Variants in SHROOM1 observed in about 807,000 individuals in gnomAD.
SHROOM1 encodes the protein protein Shroom1.
In SHROOM1, 53 loss-of-function variants were observed where a neutral mutation model predicts 64.2. That is an observed-to-expected ratio of 0.83 (90% CI 0.66 to 1.04). The LOEUF is 1.04. Ranked by LOEUF, SHROOM1 falls within the 50% of genes least tolerant of loss-of-function variation. SHROOM1 has a pLI of 0.00. For missense variants in SHROOM1, 1,179 were observed against 1,163.2 expected, an observed-to-expected ratio of 1.01 and a Z score of -0.20; for synonymous variants, 490 against 518.9, an observed-to-expected ratio of 0.94 and a Z score of 0.76.
chr5:132,823,166 G>T lies in SHROOM1; in HGVS notation c.2227-38C>A. On this transcript the variant is annotated intron_variant, in intron 9 of 9. Coordinates refer to ENST00000378679, the MANE Select transcript of SHROOM1 (RefSeq NM_001172700.2). This position sits in a 1 kb window ranked among gnomAD's most constrained non-coding sequence, Gnocchi z 4.6. ...GAAGAGGCGCCGTGAGCCGGGTGAGGGCGCCGCCGCTCCCGGAATGGTTCC... is the reference window on the plus strand; with the variant it reads ...GAAGAGGCGCCGTGAGCCGGGTGAGTGCGCCGCCGCTCCCGGAATGGTTCC... 1 of 1,543,762 alleles carries T rather than the reference G, an allele frequency of 6.5e-7. No homozygotes were observed. The highest frequency in any genetic ancestry group is 8.7e-7 in the Non-Finnish European group (1 of 1,154,228).
In SHROOM1 at chr5:132,823,227, C is replaced by G. The variant is rs762779906; in HGVS notation, c.2226+23G>C. 6.3e-7 allele frequency: 1 copy of G among 1,580,020 alleles called. No individual in the cohort carries two copies. Among genetic ancestry groups the G allele is most frequent in the Non-Finnish European group, 8.5e-7 (1 of 1,169,860 alleles). ...AGCAGGCCCCTCACCGCCCTACTCG[C>G]TTGCAACCTGAACCCCTTTTACCTG... is the stretch of plus-strand genomic sequence containing the variant. On this transcript the variant is annotated intron_variant, in intron 9 of 9. Coordinates refer to ENST00000378679, the MANE Select transcript of SHROOM1 (RefSeq NM_001172700.2). This position sits in a 1 kb window ranked among gnomAD's most constrained non-coding sequence, Gnocchi z 4.6.
At position 132,830,552 on chromosome 5, in the gene SHROOM1, A is replaced by T. The variant is rs1178010747; in HGVS notation, c.-501+42T>A. On this transcript the variant is annotated intron_variant, in intron 1 of 9. Coordinates refer to ENST00000378679, the MANE Select transcript of SHROOM1 (RefSeq NM_001172700.2). The surrounding 1 kb of genome is among the most constrained non-coding windows in gnomAD (Gnocchi z 5.9). Reference sequence around the variant, plus strand: ...CCCGCCGGCCTCCCGGGGGAAGCGGACCCAGCCGCCCGCTTCCCGCTCCCC... The same window carrying T: ...CCCGCCGGCCTCCCGGGGGAAGCGGTCCCAGCCGCCCGCTTCCCGCTCCCC... 1.0e-6 allele frequency: 1 copy of T among 981,856 alleles called. No homozygotes were observed. The highest frequency in any genetic ancestry group is 1.2e-6 in the Non-Finnish European group (1 of 826,918). 60.8% of individuals were successfully genotyped at this position (981,856 alleles called of 1,614,324 possible). A position where few individuals can be genotyped will look rare whatever the true frequency, so the allele number is the denominator to read the frequency against.
intron 1 of SHROOM1, chr5:132,829,910 G>A (rs1758799006): frequency 1.0e-6 from 1 of 985,316 alleles, no homozygotes; most frequent in Admixed American, 6.1e-5. Flanking sequence ...CGGGCTCATC[G>A]GTCGCTGCAC....
Position 132,830,033 on chromosome 5 carries a change from G to A in SHROOM1, c.-501+561C>T, listed in dbSNP as rs1758801551. 15 of 985,374 alleles carry A rather than the reference G, an allele frequency of 1.5e-5. No homozygotes were observed. The highest frequency in any genetic ancestry group is 1.7e-5 in the African/African-American group (1 of 57,338). 61.0% of individuals were successfully genotyped at this position (985,374 alleles called of 1,614,324 possible). A position where few individuals can be genotyped will look rare whatever the true frequency, so the allele number is the denominator to read the frequency against. ...GGGCGTGGACAGACCCGGTTACCTG[G>A]GGTTCAATCTCTGGGAGCCGAGGCA... On this transcript the variant is annotated intron_variant, in intron 1 of 9. Coordinates refer to ENST00000378679, the MANE Select transcript of SHROOM1 (RefSeq NM_001172700.2). This position sits in a 1 kb window ranked among gnomAD's most constrained non-coding sequence, Gnocchi z 5.9.
Position 132,830,633 on chromosome 5 carries a change from C to T in SHROOM1, c.-540G>A. The T allele has an allele frequency of 2.0e-6, 2 of 985,330 alleles. No homozygotes were observed. Among genetic ancestry groups the T allele is most frequent in the Non-Finnish European group, 2.4e-6 (2 of 829,860 alleles). The allele number at this position is 985,330 out of a possible 1,614,324, so 61.0% of individuals were successfully genotyped here. A position where few individuals can be genotyped will look rare whatever the true frequency, so the allele number is the denominator to read the frequency against. On this transcript the variant is annotated 5_prime_UTR_variant, in exon 1 of 10. Transcript: ENST00000378679. This position sits in a 1 kb window ranked among gnomAD's most constrained non-coding sequence, Gnocchi z 5.9. ...GAGACGCGCTCCTGGGCCGTCGCAG[C>T]CGCGCGGTGACATCAGAGCCCCGGG...
At position 132,825,529 on chromosome 5, in the gene SHROOM1, G is replaced by C. The variant is rs756147389; in HGVS notation, c.612C>G (p.Pro204=). Residue 204 remains proline, a synonymous_variant, in exon 4 of 10, where the codon CCC becomes CCG. Transcript: ENST00000378679. This position sits in a 1 kb window ranked among gnomAD's most constrained non-coding sequence, Gnocchi z 5.1. ...GACCCCGGCCGGCAGTTCCTGGCGC[G>C]GGAGCCCGGGAGCGCGCCGGCTCCC... ...GEGEPARSRA[P]APGTAGRGPL... 4 of 1,447,918 alleles carry C rather than the reference G, an allele frequency of 2.8e-6. No homozygotes were observed. The highest frequency in any genetic ancestry group is 2.7e-5 in the Admixed American group (1 of 36,900). The allele number at this position is 1,447,918 out of a possible 1,614,324, so 89.7% of individuals were successfully genotyped here.
In SHROOM1 at chr5:132,823,647, T is replaced by C. The variant is rs774061796; in HGVS notation, c.1929A>G (p.Pro643=). ...DQPCGQGLPA[P]NNSIQGKKVE... ...CTTTCTTGCCCTGGATGCTGTTGTTTGGTGCAGGGAGCCCCTGCCCACATG... is the reference window on the plus strand; with the variant it reads ...CTTTCTTGCCCTGGATGCTGTTGTTCGGTGCAGGGAGCCCCTGCCCACATG... The change falls in exon 8 of 10, where the codon CCA becomes CCG. Residue 643 remains proline (P), a synonymous_variant. Transcript: ENST00000378679. The surrounding 1 kb of genome is among the most constrained non-coding windows in gnomAD (Gnocchi z 4.6). The C allele has an allele frequency of 6.2e-7, 1 of 1,602,378 alleles. No individual in the cohort carries two copies. Among genetic ancestry groups the C allele is most frequent in the Non-Finnish European group, 8.5e-7 (1 of 1,174,000 alleles).
rs200219953 is a variant in SHROOM1 at position 132,823,896 on chromosome 5, C to G, written c.1765G>C (p.Ala589Pro). The G allele has an allele frequency of 4.3e-5, 67 of 1,540,398 alleles. No individual in the cohort carries two copies. The highest frequency in any genetic ancestry group is 5.7e-5 in the Non-Finnish European group (65 of 1,144,600). ...GCCTCCTCTCCAGCCTCCCCACAGGCAGGCCGCATTGCAGCCCGGACCTCT... is the reference window on the plus strand; with the variant it reads ...GCCTCCTCTCCAGCCTCCCCACAGGGAGGCCGCATTGCAGCCCGGACCTCT... ...LAEVRAAMRP[A>P]CGEAGEEAAS... is the part of the protein sequence containing the mutation. Residue 589 changes from alanine to proline, a missense_variant, in exon 7 of 10, where the codon GCC becomes CCC. Coordinates refer to ENST00000378679, the MANE Select transcript of SHROOM1 (RefSeq NM_001172700.2). The surrounding 1 kb of genome is among the most constrained non-coding windows in gnomAD (Gnocchi z 4.6).
rs1758802551 is a variant in SHROOM1, at chr5:132,830,082, C to A, written c.-501+512G>T. The A allele has an allele frequency of 2.7e-5, 27 of 985,362 alleles. 1 individual carries two copies. The Middle Eastern group carries it at 2.6e-3, about 95-fold the overall frequency. 61.0% of individuals were successfully genotyped at this position (985,362 alleles called of 1,614,324 possible). On this transcript the variant is annotated intron_variant, in intron 1 of 9. Coordinates refer to ENST00000378679, the MANE Select transcript of SHROOM1 (RefSeq NM_001172700.2). This position sits in a 1 kb window ranked among gnomAD's most constrained non-coding sequence, Gnocchi z 5.9. ...CACGGGAGGGAGAGAGGCGCAGGCC[C>A]CGGCGGCCGCAGGGGGCGGCAGAGA...
rs776321845 is a variant in SHROOM1, at chr5:132,825,556, C to G, written c.585G>C (p.Glu195Asp). Reference protein sequence around the residue: ...RSASLSHPGGEGEPARSRAPA... With the variant: ...RSASLSHPGGDGEPARSRAPA... ...GAGCCCGGGAGCGCGCCGGCTCCCC[C>G]TCCCCGCCCGGGTGGCTGAGCGAGG... is the stretch of plus-strand genomic sequence containing the variant. Residue 195 changes from glutamate to aspartate, a missense_variant, in exon 4 of 10, where the codon GAG becomes GAC. Coordinates refer to ENST00000378679, the MANE Select transcript of SHROOM1 (RefSeq NM_001172700.2). The surrounding 1 kb of genome is among the most constrained non-coding windows in gnomAD (Gnocchi z 5.1). 15 of 1,418,774 alleles carry G rather than the reference C, an allele frequency of 1.1e-5. No homozygotes were observed. Among genetic ancestry groups the G allele is most frequent in the African/African-American group, 6.0e-5 (4 of 66,580 alleles). 87.9% of individuals were successfully genotyped at this position (1,418,774 alleles called of 1,614,324 possible).
At position 132,825,580 on chromosome 5, in the gene SHROOM1, G is replaced by C. The variant is rs1416469352; in HGVS notation, c.561C>G (p.Ala187=). 2.1e-6 allele frequency: 3 copies of C among 1,400,788 alleles called. No homozygotes were observed. Among genetic ancestry groups the C allele is most frequent in the Non-Finnish European group, 2.8e-6 (3 of 1,085,890 alleles). The allele number at this position is 1,400,788 out of a possible 1,614,324, so 86.8% of individuals were successfully genotyped here. Residue 187 remains alanine (A), a synonymous_variant, in exon 4 of 10, where the codon GCC becomes GCG. Coordinates refer to ENST00000378679, the MANE Select transcript of SHROOM1 (RefSeq NM_001172700.2). The surrounding 1 kb of genome is among the most constrained non-coding windows in gnomAD (Gnocchi z 5.1). ...ARPPATHPRS[A]SLSHPGGEGE... is the part of the protein sequence containing the mutation. ...CCTCCCCGCCCGGGTGGCTGAGCGA[G>C]GCGGAGCGCGGGTGAGTCGCCGGGG...
chr5:132,828,964 A>G (rs1188675630), intron 1 of SHROOM1, among the ~76,000 whole-genome samples: 1 of 152,224 alleles, frequency 6.6e-6, no homozygotes, highest in African/African-American at 2.4e-5. Context: ...CTTGCAGTCC[A>G]GCCAGCCCCT....
chr5:132,823,438 C>G lies in SHROOM1; in HGVS notation c.2038G>C (p.Ala680Pro). 1 of 1,611,980 alleles carries G rather than the reference C, an allele frequency of 6.2e-7. No individual in the cohort carries two copies. Among genetic ancestry groups the G allele is most frequent in the Non-Finnish European group, 8.5e-7 (1 of 1,179,844 alleles). ...GCCTCCAGAGCCGCTTGGCGCCTGG[C>G]CCACGCTTGTGCCTCCCCCTGCAGC... The part of the protein sequence containing the change: ...ERLQGEAQAW[A>P]RRQAALEAAV... The change falls in exon 9 of 10, where the codon GCC becomes CCC. Residue 680 changes from alanine to proline, a missense_variant. Ala to Pro is a conservative substitution (Grantham distance 27, BLOSUM62 -1). Coordinates refer to ENST00000378679, the MANE Select transcript of SHROOM1 (RefSeq NM_001172700.2). The surrounding 1 kb of genome is among the most constrained non-coding windows in gnomAD (Gnocchi z 4.6).
At position 132,825,177 on chromosome 5, in the gene SHROOM1, T is replaced by C; in HGVS notation, c.964A>G (p.Ile322Val). 1 of 1,614,146 alleles carries C rather than the reference T, an allele frequency of 6.2e-7. No homozygotes were observed. Among genetic ancestry groups the C allele is most frequent in the Non-Finnish European group, 8.5e-7 (1 of 1,180,026 alleles). The change falls in exon 4 of 10, where the codon ATA (isoleucine) becomes GTA (valine). Residue 322 changes from isoleucine (I) to valine (V), a missense_variant. By Grantham distance (29) the Ile-to-Val change is conservative. Coordinates refer to ENST00000378679, the MANE Select transcript of SHROOM1 (RefSeq NM_001172700.2). This position sits in a 1 kb window ranked among gnomAD's most constrained non-coding sequence, Gnocchi z 5.1. ...LGSWGGSGGT[I>V]PIVQAVPQGA... ...GACTTCCATACCTGGACAATGGGTA[T>C]GGTCCCTCCTGATCCTCCCCAGGAA...
chr5:132,825,260 A>G lies in SHROOM1; in HGVS notation c.881T>C (p.Leu294Pro). ...ACTGGCGGGCCTGAAGGCATCACCG[A>G]GCTTCAAGGACCCGGAGTCCAGGTT... The part of the protein sequence containing the change: ...SMNLDSGSLK[L>P]GDAFRPASRS... Residue 294 changes from leucine to proline, a missense_variant, in exon 4 of 10, where the codon CTC (leucine) becomes CCC (proline). By Grantham distance (98) the Leu-to-Pro change is moderately conservative. Coordinates refer to ENST00000378679, the MANE Select transcript of SHROOM1 (RefSeq NM_001172700.2). This position sits in a 1 kb window ranked among gnomAD's most constrained non-coding sequence, Gnocchi z 5.1. 6.2e-7 allele frequency: 1 copy of G among 1,613,588 alleles called. No individual in the cohort carries two copies. Among genetic ancestry groups the G allele is most frequent in the Non-Finnish European group, 8.5e-7 (1 of 1,179,924 alleles).
At chr5:132,829,507 C>A in intron 1 of SHROOM1, 1 of 896,230 alleles carries the variant, frequency 1.1e-6, no homozygotes, top group Non-Finnish European at 1.3e-6. Flanking sequence ...AAAATCACAC[C>A]AAGGCAATGG....
chr5:132,824,988 A>G (rs376395985), intron 5 of SHROOM1, 30 bp downstream of exon 5: 29 of 1,612,430 alleles, frequency 1.8e-5, no homozygotes, highest in African/African-American at 1.7e-4. Flanking sequence ...CTTCCCCCCA[A>G]CTTGGTCCAG....
Position 132,823,339 on chromosome 5 carries a change from G to C in SHROOM1, c.2137C>G (p.Leu713Val). 6.2e-7 allele frequency: 1 copy of C among 1,606,098 alleles called. No homozygotes were observed. Among genetic ancestry groups the C allele is most frequent in the African/African-American group, 1.3e-5 (1 of 75,068 alleles). ...CTGCCCAGCAGCAGCAGAAGGCCAA[G>C]CACGCGCTCTAGGTCGGCCATGAAC... is the stretch of plus-strand genomic sequence containing the variant. ...SRFMADLERV[L>V]GLLLLLGSRL... The change falls in exon 9 of 10, where the codon CTT becomes GTT. Residue 713 changes from leucine to valine, a missense_variant. Physicochemically the swap from Leu to Val is conservative, Grantham distance 32 (BLOSUM62 1). Transcript: ENST00000378679. The surrounding 1 kb of genome is among the most constrained non-coding windows in gnomAD (Gnocchi z 4.6).
intron 1 of SHROOM1, chr5:132,829,547 G>T: frequency 2.0e-6 from 2 of 978,868 alleles, no homozygotes; most frequent in African/African-American, 1.7e-5. Context: ...GACCGAGGAG[G>T]CACAGGAGAA....
Sources: gnomAD v4.1 joint callset for allele counts (sites outside exome capture counted in the v4.1 genomes callset) on GRCh38, gnomAD v4.1.1 for gene constraint, Gnocchi (gnomAD v3.1) non-coding constraint, MANE v1.5 for transcripts, NCBI Gene and HGNC (gene_info 2026-07-23, HGNC 2026-07-21) for gene names.